The following CDC42BPA variants were observed in gnomAD, a reference collection of about 807,000 sequenced individuals.
CDC42BPA encodes the protein CDC42 binding protein kinase alpha, also known as serine/threonine-protein kinase MRCK alpha.
In CDC42BPA, 80 loss-of-function variants were observed where a neutral mutation model predicts 223.5. That is an observed-to-expected ratio of 0.36 (90% CI 0.30 to 0.43). The LOEUF (loss-of-function observed/expected upper bound fraction) is 0.43. Ranked by LOEUF, CDC42BPA falls within the 20% of genes least tolerant of loss-of-function variation. CDC42BPA has a pLI of 1.00. For synonymous variants in CDC42BPA, 694 were observed against 718.6 expected, an observed-to-expected ratio of 0.97 and a Z score of 0.55; for missense variants, 1,743 against 2,099.9, an observed-to-expected ratio of 0.83 and a Z score of 3.32.
At chr1:227,014,044 A>G (rs1232568024) in intron 34 of CDC42BPA, among the ~76,000 whole-genome samples, 2 of 152,124 alleles carry the variant, frequency 1.3e-5, no homozygotes, top group Non-Finnish European at 2.9e-5. Context: ...AGGAAAAACA[A>G]CATGCTTTGG....
intron 24 of CDC42BPA, among the ~76,000 whole-genome samples, chr1:227,036,714 G>C (rs902011154): frequency 6.6e-6 from 1 of 152,084 alleles, no homozygotes; most frequent in African/African-American, 2.4e-5. Context: ...CAGGCGTTGA[G>C]CCACCGCGCC....
At chr1:227,305,893 AAGGCGG>A (rs1176952466) in intron 1 of CDC42BPA, among the ~76,000 whole-genome samples, 1 of 152,126 alleles carries the variant, frequency 6.6e-6, no homozygotes, top group Non-Finnish European at 1.5e-5. Flanking sequence ...TTGAACCCAG[AAGGCGG>A]AGGCTGCAGT....
chr1:227,138,245 C>T (rs929568622), intron 10 of CDC42BPA, among the ~76,000 whole-genome samples: 2 of 152,012 alleles, frequency 1.3e-5, no homozygotes, highest in Non-Finnish European at 2.9e-5. Context: ...TACATTCCTT[C>T]ATTCACAAAA....
chr1:227,018,815 G>A (rs1666805153), intron 32 of CDC42BPA, among the ~76,000 whole-genome samples: 1 of 152,080 alleles, frequency 6.6e-6, no homozygotes, highest in Non-Finnish European at 1.5e-5. Flanking sequence ...GTGTGCAACA[G>A]TACGTGTCTA....
At chr1:227,220,421 CTTT>C (rs911014759) in intron 2 of CDC42BPA, among the ~76,000 whole-genome samples, 1 of 148,890 alleles carries the variant, frequency 6.7e-6, no homozygotes, top group Admixed American at 6.7e-5. Context: ...TATACTTTGT[CTTT>C]TTATTATTGC....
chr1:227,170,513 A>C (rs867406209), intron 5 of CDC42BPA, among the ~76,000 whole-genome samples: 4 of 152,154 alleles, frequency 2.6e-5, no homozygotes, highest in Non-Finnish European at 5.9e-5. Context: ...ATAGTGTTTC[A>C]GGGTGTATGG....
At position 227,031,319 on chromosome 1, in the gene CDC42BPA, T is replaced by C. The variant is rs745758508; in HGVS notation, c.3754A>G (p.Thr1252Ala). 3.8e-5 allele frequency: 62 copies of C among 1,613,476 alleles called. No homozygotes were observed. Among genetic ancestry groups the C allele is most frequent in the Non-Finnish European group, 1.9e-5 (23 of 1,179,566 alleles). ...ATACCTATGATTGCGGCTGCCTGGG[T>C]TGTTTTAATGAGGGGTAGAGTGCTG... ...YDSTLPLIKT[T>A]QAAAIIDHER... Residue 1252 changes from threonine (T) to alanine (A), a missense_variant, in exon 28 of 37, where the codon ACC becomes GCC. Physicochemically the swap from Thr to Ala is moderately conservative, Grantham distance 58. Transcript: ENST00000366766.
chr1:227,228,932 A>G (rs138618870), intron 2 of CDC42BPA, among the ~76,000 whole-genome samples: 1 of 152,292 alleles, frequency 6.6e-6, no homozygotes, highest in African/African-American at 2.4e-5. Flanking sequence ...CCCTCATCAG[A>G]TACATGATTT....
intron 1 of CDC42BPA, among the ~76,000 whole-genome samples, chr1:227,297,833 G>A (rs1022111787): frequency 1.3e-5 from 2 of 151,260 alleles, no homozygotes; most frequent in African/African-American, 4.9e-5. Flanking sequence ...TTCTGCTTGA[G>A]GTGATGAAAA....
chr1:227,225,033 T>C (rs75558005), intron 2 of CDC42BPA, among the ~76,000 whole-genome samples: 17,313 of 152,130 alleles, frequency 0.11, 1,118 homozygotes, highest in Middle Eastern at 0.17. Flanking sequence ...AATAAGGAAA[T>C]GGTTAAGTAA....
At chr1:227,207,327 T>C (rs1672939400) in intron 3 of CDC42BPA, among the ~76,000 whole-genome samples, 1 of 150,764 alleles carries the variant, frequency 6.6e-6, no homozygotes, top group Admixed American at 6.6e-5. Flanking sequence ...TTTTTCTTTT[T>C]TTACTGGCAT....
At chr1:227,012,213 T>C (rs1665346050) in intron 34 of CDC42BPA, among the ~76,000 whole-genome samples, 1 of 152,168 alleles carries the variant, frequency 6.6e-6, no homozygotes, top group Non-Finnish European at 1.5e-5. Flanking sequence ...CTAGGAGAAA[T>C]GTAATGTGCT....
intron 2 of CDC42BPA, among the ~76,000 whole-genome samples, chr1:227,228,782 T>C (rs1162139531): frequency 1.3e-5 from 2 of 152,224 alleles, no homozygotes; most frequent in African/African-American, 4.8e-5. Flanking sequence ...TGACCAGTGA[T>C]GTTGAGCATC....
At chr1:227,293,620 G>A (rs1690091131) in intron 1 of CDC42BPA, among the ~76,000 whole-genome samples, 1 of 151,350 alleles carries the variant, frequency 6.6e-6, no homozygotes, top group African/African-American at 2.4e-5. Context: ...GAGGTCGGGA[G>A]TTTGAGACCA....
intron 2 of CDC42BPA, among the ~76,000 whole-genome samples, chr1:227,230,154 T>C (rs1429183220): frequency 6.6e-6 from 1 of 152,246 alleles, no homozygotes; most frequent in Non-Finnish European, 1.5e-5. Flanking sequence ...TGCTACTGCC[T>C]AGGTAATGGC....
intron 5 of CDC42BPA, among the ~76,000 whole-genome samples, chr1:227,188,994 A>G (rs573059599): frequency 1.3e-5 from 2 of 152,074 alleles, no homozygotes; most frequent in South Asian, 4.2e-4. Flanking sequence ...TTTCCACTCA[A>G]TTTTTCTAAG....
intron 31 of CDC42BPA, among the ~76,000 whole-genome samples, chr1:227,024,773 C>T (rs997830434): frequency 2.6e-5 from 4 of 152,108 alleles, no homozygotes; most frequent in African/African-American, 7.2e-5. Context: ...TGCAAAAATT[C>T]TGTATTTTAA....
At chr1:227,114,643 G>GT (rs1257802912) in intron 12 of CDC42BPA, among the ~76,000 whole-genome samples, 4 of 152,046 alleles carry the variant, frequency 2.6e-5, no homozygotes, top group Non-Finnish European at 5.9e-5. Flanking sequence ...CTGTAAAGAG[G>GT]TAATACAGCT....
chr1:227,177,244 T>G (rs1667124381), intron 5 of CDC42BPA, among the ~76,000 whole-genome samples: 1 of 152,156 alleles, frequency 6.6e-6, no homozygotes, highest in South Asian at 2.1e-4. Context: ...TGCCCTACAT[T>G]CTGAAGTGCT....
Sources: allele counts gnomAD v4.1 joint callset (sites outside exome capture counted in the v4.1 genomes callset), GRCh38; gene constraint gnomAD v4.1.1; transcripts MANE v1.5; gene names NCBI Gene and HGNC (gene_info 2026-07-23, HGNC 2026-07-21).